APLF: variants seen among roughly 807,000 people sequenced by gnomAD.
APLF encodes aprataxin and PNK-like factor.
APLF carries 61 observed loss-of-function variants against 55.6 expected under a neutral mutation model. That is an observed-to-expected ratio of 1.10 (90% CI 0.89 to 1.36). APLF has a LOEUF of 1.36. APLF is among the 40% of genes most tolerant of loss of function. The pLI is 0.00. For missense variants in APLF, 611 were observed against 602.5 expected, an observed-to-expected ratio of 1.01 and a Z score of -0.15; for synonymous variants, 207 against 214.8, an observed-to-expected ratio of 0.96 and a Z score of 0.32.
At chr2:68,487,954 A>G (rs1230412957) in intron 1 of APLF, among the ~76,000 whole-genome samples, 1 of 152,182 alleles carries the variant, frequency 6.6e-6, no homozygotes, top group African/African-American at 2.4e-5. Flanking sequence ...TTATGTGTCC[A>G]CTAGAGGTCA....
At chr2:68,518,514 T>C (rs1370608464) in intron 5 of APLF, among the ~76,000 whole-genome samples, 3 of 117,314 alleles carry the variant, frequency 2.6e-5, no homozygotes, top group Non-Finnish European at 4.8e-5. Context: ...AATGTTAATA[T>C]ATTATTATAT....
chr2:68,546,748 G>GA (rs1346677570), intron 8 of APLF, among the ~76,000 whole-genome samples: 2 of 151,500 alleles, frequency 1.3e-5, no homozygotes, highest in East Asian at 3.9e-4. Flanking sequence ...GAATAGAAGG[G>GA]AACTTCTTTA....
At chr2:68,543,450 C>T (rs1438117501) in intron 7 of APLF, among the ~76,000 whole-genome samples, 1 of 152,150 alleles carries the variant, frequency 6.6e-6, no homozygotes, top group Non-Finnish European at 1.5e-5. Context: ...AGAAACCTAA[C>T]AGTGCTAAAT....
intron 6 of APLF, among the ~76,000 whole-genome samples, chr2:68,527,422 C>A (rs777286570): frequency 6.7e-5 from 10 of 150,364 alleles, no homozygotes; most frequent in Non-Finnish European, 1.3e-4. Context: ...GTGAGGCGGC[C>A]GGGCAGAGGT....
chr2:68,503,996 A>G (rs1393869240), intron 3 of APLF, among the ~76,000 whole-genome samples: 2 of 152,048 alleles, frequency 1.3e-5, no homozygotes, highest in African/African-American at 4.8e-5. Flanking sequence ...TATCAACAGT[A>G]GAAGAGGGGA....
chr2:68,522,489 T>C (rs1365101043), intron 5 of APLF, among the ~76,000 whole-genome samples: 27 of 151,940 alleles, frequency 1.8e-4, no homozygotes, highest in Admixed American at 1.8e-3. Context: ...CGTATTTTTC[T>C]TTATGTATGC....
Position 68,563,476 on chromosome 2 carries a change from G to A in APLF, c.1287-3865G>A, listed in dbSNP as rs1671218903. On this transcript the variant is annotated intron_variant, in intron 8 of 9. Transcript: ENST00000303795. ...AATGTTTTCCAGGATAATAGAGAAT[G>A]AGGAACTACCTTCTGAAACTTTTAA... 3 of 576,182 alleles carry A rather than the reference G, an allele frequency of 5.2e-6. No individual in the cohort carries two copies. The South Asian group carries it at 2.3e-4, about 44-fold the overall frequency. The allele number at this position is 576,182 out of a possible 1,614,324, so 35.7% of individuals were successfully genotyped here.
At chr2:68,551,162 T>A (rs1325688005) in intron 8 of APLF, among the ~76,000 whole-genome samples, 2 of 152,144 alleles carry the variant, frequency 1.3e-5, no homozygotes, top group African/African-American at 4.8e-5. Context: ...ATCATTTATG[T>A]CATGCCATGG....
intron 3 of APLF, among the ~76,000 whole-genome samples, chr2:68,511,948 G>A (rs547937839): frequency 6.6e-6 from 1 of 151,740 alleles, no homozygotes; most frequent in Non-Finnish European, 1.5e-5. Flanking sequence ...CCCTGTATAA[G>A]AAATACTAAA....
At chr2:68,546,993 T>A (rs1177659277) in intron 8 of APLF, among the ~76,000 whole-genome samples, 1 of 151,806 alleles carries the variant, frequency 6.6e-6, no homozygotes, top group African/African-American at 2.4e-5. Context: ...ATGCAGTAAA[T>A]ACAAAGTGGC....
At chr2:68,526,334 G>A in intron 6 of APLF, 92 bp downstream of exon 6, 2 of 1,457,462 alleles carry the variant, frequency 1.4e-6, no homozygotes, top group Non-Finnish European at 1.9e-6. Context: ...AATCAAAACT[G>A]CCTTTTATTG....
chr2:68,502,994 A>C, intron 3 of APLF, 91 bp downstream of exon 3: 1 of 1,338,022 alleles, frequency 7.5e-7, no homozygotes, highest in Non-Finnish European at 1.0e-6. Context: ...AGTAGAAACC[A>C]TTAAACTGGA....
At chr2:68,491,284 C>T (rs576377592) in intron 2 of APLF, among the ~76,000 whole-genome samples, 107 of 152,280 alleles carry the variant, frequency 7.0e-4, no homozygotes, top group Non-Finnish European at 1.0e-3. Flanking sequence ...TCTCTGTATC[C>T]TCTCCAGCTA....
At chr2:68,568,710 G>A (rs1296077535) in intron 9 of APLF, among the ~76,000 whole-genome samples, 4 of 152,054 alleles carry the variant, frequency 2.6e-5, no homozygotes, top group South Asian at 2.1e-4. Context: ...ACATCATATA[G>A]CATAGTTAAA....
intron 6 of APLF, chr2:68,528,951 C>T (rs1448774558): frequency 2.6e-6 from 4 of 1,526,426 alleles, no homozygotes; most frequent in Admixed American, 2.0e-5. Context: ...TTATTGTCCT[C>T]CTGCTCCTGG....
In APLF at chr2:68,486,225, G is replaced by A. The variant is rs77643518; in HGVS notation, c.97-3965G>A. 6.5e-3 allele frequency among the ~76,000 whole-genome samples: 993 copies of A among 152,224 alleles called. 9 individuals are homozygous for A. The highest frequency in any genetic ancestry group is 0.023 in the African/African-American group (945 of 41,492). ...ACTTTTTGTGCTTCAGACCTGGAAT[G>A]TGACATTTCTCAAAAGAGCTCTGGT... On this transcript the variant is annotated intron_variant, in intron 1 of 9. Coordinates refer to ENST00000303795, the MANE Select transcript of APLF (RefSeq NM_173545.3).
At chr2:68,545,145 T>A in intron 7 of APLF, 42 bp from the exon 8 acceptor site, 1 of 1,598,018 alleles carries the variant, frequency 6.3e-7, no homozygotes. Flanking sequence ...ATCTAGAATA[T>A]CCTATTTTTT....
intron 1 of APLF, among the ~76,000 whole-genome samples, chr2:68,469,411 C>T (rs1043776363): frequency 4.6e-5 from 7 of 152,042 alleles, no homozygotes; most frequent in African/African-American, 9.7e-5. Context: ...GTAGCTTGTT[C>T]TTTGTGTTGT....
At chr2:68,513,000 A>G in intron 3 of APLF, 80 bp from the exon 4 acceptor site, 2 of 1,326,340 alleles carry the variant, frequency 1.5e-6, no homozygotes, top group East Asian at 4.6e-5. Flanking sequence ...GAGTAAAGGG[A>G]CATAACTTAG....
Sources: allele counts gnomAD v4.1 joint callset (sites outside exome capture counted in the v4.1 genomes callset), GRCh38; gene constraint gnomAD v4.1.1; transcripts MANE v1.5; gene names NCBI Gene and HGNC (gene_info 2026-07-23, HGNC 2026-07-21).